The following BMP2K variants were observed in gnomAD, a reference collection of about 807,000 sequenced individuals.
The protein encoded by BMP2K is BMP-2-inducible protein kinase.
BMP2K carries 74 observed loss-of-function variants against 116.0 expected under a neutral mutation model. The observed-to-expected ratio is 0.64, with a 90% confidence interval of 0.53 to 0.77. BMP2K has a LOEUF of 0.77. Among genes scored for constraint, BMP2K ranks in the 30% least tolerant of loss-of-function variants. The pLI is 0.00. For synonymous variants in BMP2K, 486 were observed against 502.5 expected (o/e 0.97, Z 0.44); for missense variants, 1,365 against 1,403.6 (o/e 0.97, Z 0.44).
intron 1 of BMP2K, 89 bp downstream of exon 1, chr4:78,776,810 A>C (rs1488692475): frequency 9.0e-7 from 1 of 1,113,850 alleles, no homozygotes; most frequent in South Asian, 4.4e-5. Flanking sequence ...CTCCGGACTG[A>C]CTCTTATACC....
chr4:78,893,683 A>G (rs1733557533), intron 15 of BMP2K, among the ~76,000 whole-genome samples: 5 of 152,154 alleles, frequency 3.3e-5, no homozygotes, highest in Admixed American at 3.3e-4. Flanking sequence ...CCGCCTCAGC[A>G]TCCCATGTAG....
At chr4:78,793,444 A>G (rs957711875) in intron 1 of BMP2K, among the ~76,000 whole-genome samples, 4 of 151,814 alleles carry the variant, frequency 2.6e-5, no homozygotes, top group Admixed American at 1.3e-4. Flanking sequence ...AAAGTTATGC[A>G]CCGAGTTTAT....
chr4:78,878,935 C>A (rs1732768657), intron 14 of BMP2K, 44 bp downstream of exon 14: 1 of 1,586,842 alleles, frequency 6.3e-7, no homozygotes, highest in Non-Finnish European at 8.5e-7. Context: ...AGTAAAATAA[C>A]AGCTCTATTA....
At chr4:78,871,086 G>A (rs1193302246) in intron 11 of BMP2K, 26 bp downstream of exon 11, 3 of 1,595,502 alleles carry the variant, frequency 1.9e-6, no homozygotes, top group Non-Finnish European at 2.6e-6. Flanking sequence ...CTTTAGATAT[G>A]GAAGTAGTGT....
intron 13 of BMP2K, among the ~76,000 whole-genome samples, chr4:78,873,639 A>G (rs1170496683): frequency 6.6e-6 from 1 of 151,440 alleles, no homozygotes; most frequent in African/African-American, 2.4e-5. Flanking sequence ...GCAGTTTGCT[A>G]TAGAATGCCT....
chr4:78,901,506 A>G, intron 15 of BMP2K, among the ~76,000 whole-genome samples: 1 of 152,206 alleles, frequency 6.6e-6, no homozygotes, highest in East Asian at 1.9e-4. Flanking sequence ...GAGGATTTCC[A>G]CTACCAGTAT....
intron 7 of BMP2K, among the ~76,000 whole-genome samples, chr4:78,856,139 G>C (rs1162619286): frequency 6.6e-6 from 1 of 152,096 alleles, no homozygotes; most frequent in African/African-American, 2.4e-5. Flanking sequence ...ATTTGCAGGA[G>C]AAAATGGCTT....
chr4:78,820,980 T>G (rs1729591697), intron 1 of BMP2K, among the ~76,000 whole-genome samples: 1 of 152,222 alleles, frequency 6.6e-6, no homozygotes, highest in African/African-American at 2.4e-5. Context: ...TTTTGATTTC[T>G]TTATTCTATT....
At chr4:78,781,695 A>G (rs1002901271) in intron 1 of BMP2K, among the ~76,000 whole-genome samples, 1 of 152,138 alleles carries the variant, frequency 6.6e-6, no homozygotes, top group Non-Finnish European at 1.5e-5. Context: ...CATTGGTCTC[A>G]GACATTAGTG....
rs76358583 is a variant in BMP2K at position 78,781,191 on chromosome 4, A to G, written c.178+4470A>G. ...TTTATCTGAAATGCAACAGGAAGCT[A>G]TTGAAGGGTTTGAATTGGGGCAGTG... On this transcript the variant is annotated intron_variant, in intron 1 of 15. Transcript: ENST00000502613. Among the ~76,000 whole-genome samples, 850 of 152,314 alleles carry G rather than the reference A, an allele frequency of 5.6e-3. 11 individuals carry two copies. Among genetic ancestry groups the G allele is most frequent in the African/African-American group, 0.019 (806 of 41,568 alleles).
chr4:78,805,268 C>T (rs943163857), intron 1 of BMP2K, among the ~76,000 whole-genome samples: 3 of 152,166 alleles, frequency 2.0e-5, no homozygotes, highest in African/African-American at 7.2e-5. Context: ...CCATGATCTA[C>T]ATAAGTGTTA....
At chr4:78,890,714 A>C (rs957568213) in intron 15 of BMP2K, among the ~76,000 whole-genome samples, 33 of 152,040 alleles carry the variant, frequency 2.2e-4, no homozygotes, top group African/African-American at 8.0e-4. Context: ...TCTTCATTAC[A>C]TCTCTCATGG....
chr4:78,819,818 G>A (rs1376667373), intron 1 of BMP2K, among the ~76,000 whole-genome samples: 1 of 151,960 alleles, frequency 6.6e-6, no homozygotes, highest in Admixed American at 6.6e-5. Flanking sequence ...CAGGCATTAT[G>A]CATACAAGTG....
chr4:78,818,513 T>C (rs975068424), intron 1 of BMP2K, among the ~76,000 whole-genome samples: 2 of 152,168 alleles, frequency 1.3e-5, no homozygotes, highest in East Asian at 3.8e-4. Context: ...TTAAATGATG[T>C]TGGAAAAAAG....
chr4:78,791,089 T>A (rs1166704958), intron 1 of BMP2K, among the ~76,000 whole-genome samples: 1 of 152,210 alleles, frequency 6.6e-6, no homozygotes, highest in Non-Finnish European at 1.5e-5. Context: ...GTTTATACCT[T>A]AACAGTTTAT....
Position 78,847,192 on chromosome 4 carries a change from A to T in BMP2K, c.673A>T (p.Thr225Ser), listed in dbSNP as rs1174428187. The change falls in exon 6 of 16, where the codon ACA (threonine) becomes TCA (serine). Residue 225 changes from threonine (T) to serine (S), a missense_variant. This residue lies in a region of BMP2K where 762 missense variants were observed against 756.7 expected (regional missense o/e 1.01). Coordinates refer to ENST00000502613, the MANE Select transcript of BMP2K (RefSeq NM_198892.2). The part of the protein sequence containing the change: ...NVVEEEIKKY[T>S]TLSYRAPEMI... Reference sequence around the variant, plus strand: ...ATTTCACTCATTTACTGCCAGGTATACAACTCTGTCATACAGAGCCCCTGA... The same window carrying T: ...ATTTCACTCATTTACTGCCAGGTATTCAACTCTGTCATACAGAGCCCCTGA... 1 of 1,540,764 alleles carries T rather than the reference A, an allele frequency of 6.5e-7. No individual in the cohort carries two copies. Among genetic ancestry groups the T allele is most frequent in the South Asian group, 1.3e-5 (1 of 79,136 alleles).
intron 3 of BMP2K, among the ~76,000 whole-genome samples, chr4:78,835,442 G>A (rs1405201860): frequency 2.0e-5 from 3 of 151,872 alleles, no homozygotes; most frequent in East Asian, 1.9e-4. Flanking sequence ...TGGCTAACAC[G>A]GTGAAACCCT....
At position 78,911,172 on chromosome 4, in the gene BMP2K, G is replaced by T; in HGVS notation, c.2625G>T (p.Lys875Asn). The T allele has an allele frequency of 6.2e-6, 10 of 1,613,724 alleles. No individual in the cohort carries two copies. Among genetic ancestry groups the T allele is most frequent in the Non-Finnish European group, 8.5e-6 (10 of 1,179,776 alleles). The change falls in exon 16 of 16, where the codon AAG becomes AAT. Residue 875 changes from lysine to asparagine, a missense_variant. Physicochemically the swap from Lys to Asn is moderately conservative, Grantham distance 94 (BLOSUM62 0). Transcript: ENST00000502613. Reference sequence around the variant, plus strand: ...GTGCTCAACAGCCCCAGCAAGAAAAGAATGAAAAGAACCTCCCTCAACACA... The same window carrying T: ...GTGCTCAACAGCCCCAGCAAGAAAATAATGAAAAGAACCTCCCTCAACACA... ...AVRAQQPQQE[K>N]NEKNLPQHRF...
At chr4:78,860,338 GT>G (rs943346984) in intron 8 of BMP2K, among the ~76,000 whole-genome samples, 3 of 151,116 alleles carry the variant, frequency 2.0e-5, no homozygotes, top group Non-Finnish European at 3.0e-5. Context: ...CTACAAAAAA[GT>G]TTTTTTTTAA....
Sources: allele counts gnomAD v4.1 joint callset (sites outside exome capture counted in the v4.1 genomes callset), GRCh38; gene constraint gnomAD v4.1.1; regional missense constraint gnomAD v4.1.1; transcripts MANE v1.5; gene names NCBI Gene and HGNC (gene_info 2026-07-23, HGNC 2026-07-21).